CALN1: variants seen among roughly 807,000 people sequenced by gnomAD.
The protein encoded by CALN1 is calneuron 1, also known as calcium-binding protein 8.
A neutral mutation model predicts 30.6 loss-of-function variants in CALN1; 17 were observed. The observed-to-expected ratio is 0.56, with a 90% CI of 0.38 to 0.83. The LOEUF (loss-of-function observed/expected upper bound fraction) is 0.83. Ranked by LOEUF, CALN1 falls within the 40% of genes least tolerant of loss-of-function variation. The pLI is 0.00. For synonymous variants in CALN1, 156 were observed against 131.4 expected, an observed-to-expected ratio of 1.19 and a Z score of -1.28; for missense variants, 291 against 354.9, an observed-to-expected ratio of 0.82 and a Z score of 1.45.
chr7:72,419,914 C>G (rs1003127924), intron 1 of CALN1, among the ~76,000 whole-genome samples: 1 of 152,158 alleles, frequency 6.6e-6, no homozygotes, highest in African/African-American at 2.4e-5. Context: ...AGCTCCCTCT[C>G]CACCAAGAGC....
chr7:72,072,370 G>A (rs1269452194), intron 4 of CALN1, among the ~76,000 whole-genome samples: 1 of 152,142 alleles, frequency 6.6e-6, no homozygotes, highest in African/African-American at 2.4e-5. Flanking sequence ...TAGCCAATGT[G>A]CTATAAGAAA....
intron 3 of CALN1, among the ~76,000 whole-genome samples, chr7:72,220,869 C>T (rs1034564021): frequency 7.9e-5 from 12 of 152,116 alleles, no homozygotes; most frequent in East Asian, 1.9e-4. Context: ...TCATGTCCTT[C>T]GCCCACTTTT....
rs540365858 is a variant in CALN1 at position 72,293,465 on chromosome 7, CCT to C, written c.120-14657_120-14656del. ...ATCGAGATGGGGAAAAATACCCCAG[CCT>C]CTCTCTTTTTCCCGCCTTTTCATTT... On this transcript the variant is annotated intron_variant, in intron 2 of 6. Transcript: ENST00000395275. Among the ~76,000 whole-genome samples, 10 of 152,320 alleles carry C rather than the reference CCT, an allele frequency of 6.6e-5. No individual in the cohort carries two copies. The South Asian group carries it at 2.1e-3, about 32-fold the overall frequency.
chr7:71,798,615 C>CTTT (rs34161533), intron 6 of CALN1, among the ~76,000 whole-genome samples: 24 of 114,828 alleles, frequency 2.1e-4, no homozygotes, highest in East Asian at 8.4e-4. Context: ...TGGTAAGAGT[C>CTTT]TTTTTTTTTT....
At chr7:71,974,169 G>C (rs1189459228) in intron 5 of CALN1, among the ~76,000 whole-genome samples, 1 of 152,112 alleles carries the variant, frequency 6.6e-6, no homozygotes, top group African/African-American at 2.4e-5. Flanking sequence ...TGTAATCCCA[G>C]CACTTTGGGA....
chr7:72,290,643 C>T (rs1226026908), intron 2 of CALN1, among the ~76,000 whole-genome samples: 1 of 152,206 alleles, frequency 6.6e-6, no homozygotes. Context: ...TTCACTGATA[C>T]ATCATAGTGT....
At chr7:72,229,111 GA>G (rs1210524750) in intron 3 of CALN1, among the ~76,000 whole-genome samples, 1 of 151,724 alleles carries the variant, frequency 6.6e-6, no homozygotes, top group Non-Finnish European at 1.5e-5. Context: ...TACAATCAGG[GA>G]AAAGGGAAAA....
chr7:72,135,092 C>T (rs536038878), intron 3 of CALN1, among the ~76,000 whole-genome samples: 9 of 152,270 alleles, frequency 5.9e-5, no homozygotes, highest in Admixed American at 1.3e-4. Flanking sequence ...CTTTAGGATC[C>T]GCTTTTAACT....
At chr7:72,056,226 C>A (rs528849694) in intron 4 of CALN1, among the ~76,000 whole-genome samples, 114 of 152,014 alleles carry the variant, frequency 7.5e-4, no homozygotes, top group African/African-American at 2.7e-3. Context: ...TTGGAAATGT[C>A]CCAGTGAATT....
intron 2 of CALN1, among the ~76,000 whole-genome samples, chr7:72,316,881 G>T (rs1800491049): frequency 6.6e-6 from 1 of 151,560 alleles, no homozygotes; most frequent in South Asian, 2.1e-4. Context: ...GGAGTTCAAG[G>T]CTACAGTCAA....
chr7:71,997,719 A>G (rs570006282), intron 5 of CALN1, among the ~76,000 whole-genome samples: 1 of 152,314 alleles, frequency 6.6e-6, no homozygotes, highest in East Asian at 1.9e-4. Context: ...AAAAATTCAA[A>G]TGACAATAAT....
intron 3 of CALN1, among the ~76,000 whole-genome samples, chr7:72,259,514 G>C (rs533388254): frequency 6.6e-6 from 1 of 152,216 alleles, no homozygotes; most frequent in East Asian, 1.9e-4. Flanking sequence ...AATTACAGTA[G>C]AGACAATTTA....
chr7:72,099,042 A>T (rs1047632597), intron 4 of CALN1, among the ~76,000 whole-genome samples: 1 of 152,190 alleles, frequency 6.6e-6, no homozygotes, highest in Non-Finnish European at 1.5e-5. Context: ...AGACAAACCC[A>T]GGCGAATTCC....
chr7:72,023,861 G>A (rs993842871), intron 4 of CALN1, 92 bp from the exon 5 acceptor site: 4 of 790,736 alleles, frequency 5.1e-6, no homozygotes, highest in Admixed American at 2.3e-5. Context: ...TTTTCTTCTT[G>A]GCATGACCTC....
intron 3 of CALN1, among the ~76,000 whole-genome samples, chr7:72,107,783 G>A (rs559411245): frequency 6.6e-6 from 1 of 152,276 alleles, no homozygotes; most frequent in African/African-American, 2.4e-5. Flanking sequence ...TCTATTCCGT[G>A]AGAAGCACAG....
At chr7:72,276,791 A>G (rs1269905108) in intron 3 of CALN1, among the ~76,000 whole-genome samples, 1 of 152,200 alleles carries the variant, frequency 6.6e-6, no homozygotes. Flanking sequence ...CAGTCTTCAG[A>G]ACCATCAGCC....
Position 71,783,335 on chromosome 7 carries a change from G to C in CALN1, c.*4440C>G, listed in dbSNP as rs1792816777. On this transcript the variant is annotated 3_prime_UTR_variant, in exon 7 of 7. Transcript: ENST00000395275. Reference sequence around the variant, plus strand: ...CATCTGTACCATCACGGTGATATAGGAAAAGGGGCCCTTCCTAGCAGGGGA... The same window carrying C: ...CATCTGTACCATCACGGTGATATAGCAAAAGGGGCCCTTCCTAGCAGGGGA... The C allele has an allele frequency of 6.6e-6, 1 of 152,172 alleles. No homozygotes were observed. The highest frequency in any genetic ancestry group is 6.5e-5 in the Admixed American group (1 of 15,276). The allele number at this position is 152,172 out of a possible 1,614,324, so 9.4% of individuals were successfully genotyped here.
chr7:72,360,923 C>T (rs1449892100), intron 2 of CALN1, among the ~76,000 whole-genome samples: 1 of 151,808 alleles, frequency 6.6e-6, no homozygotes, highest in Non-Finnish European at 1.5e-5. Flanking sequence ...GACAGGGTTT[C>T]ATCCTGTTGG....
intron 2 of CALN1, among the ~76,000 whole-genome samples, chr7:72,344,650 TTA>T (rs1275749121): frequency 6.8e-6 from 1 of 146,978 alleles, no homozygotes; most frequent in African/African-American, 2.5e-5. Context: ...TTATATTTTT[TTA>T]TTTATATAAA....
Sources: allele counts gnomAD v4.1 joint callset (sites outside exome capture counted in the v4.1 genomes callset), GRCh38; gene constraint gnomAD v4.1.1; transcripts MANE v1.5; gene names NCBI Gene and HGNC (gene_info 2026-07-23, HGNC 2026-07-21).